The following ERG variants were observed in gnomAD, a reference collection of about 807,000 sequenced individuals.
The protein encoded by ERG is ETS transcription factor ERG, also known as transcriptional regulator ERG.
Under a neutral mutation model 55.3 loss-of-function variants are expected in ERG, and 9 were observed. The observed-to-expected ratio is 0.16, with a 90% CI of 0.10 to 0.28. The LOEUF is 0.28. ERG is among the 10% of genes least tolerant of loss of function. ERG has a pLI of 1.00. For synonymous variants in ERG, 223 were observed against 237.3 expected, an observed-to-expected ratio of 0.94 and a Z score of 0.55; for missense variants, 434 against 631.6, an observed-to-expected ratio of 0.69 and a Z score of 3.35.
intron 1 of ERG, among the ~76,000 whole-genome samples, chr21:38,636,766 AG>A (rs2060391879): frequency 6.6e-6 from 1 of 152,204 alleles, no homozygotes; most frequent in Non-Finnish European, 1.5e-5. Context: ...ACAGCCTGAC[AG>A]GAAAAAGAAC....
chr21:38,644,180 C>T, intron 1 of ERG, among the ~76,000 whole-genome samples: 1 of 152,192 alleles, frequency 6.6e-6, no homozygotes, highest in East Asian at 1.9e-4. Flanking sequence ...AGCAGGGCAG[C>T]CACTGGCTTC....
intron 2 of ERG, among the ~76,000 whole-genome samples, chr21:38,523,429 T>A (rs1433847279): frequency 6.6e-6 from 1 of 152,128 alleles, no homozygotes; most frequent in Non-Finnish European, 1.5e-5. Flanking sequence ...CCAATGAGTA[T>A]TCATCACCAA....
At chr21:38,534,352 CCAAATGAACACCTG>C (rs111755368) in intron 2 of ERG, among the ~76,000 whole-genome samples, 57,521 of 151,528 alleles carry the variant, frequency 0.38, 12,308 homozygotes, top group Non-Finnish European at 0.49. Flanking sequence ...GTTTCTATTG[CCAAATGAACACCTG>C]TTTCAGAGTC....
chr21:38,441,212 G>C (rs1159166344), intron 2 of ERG, among the ~76,000 whole-genome samples: 1 of 152,200 alleles, frequency 6.6e-6, no homozygotes, highest in Non-Finnish European at 1.5e-5. Flanking sequence ...GTCAGGTGTG[G>C]GGGTCAGTTT....
intron 2 of ERG, among the ~76,000 whole-genome samples, chr21:38,548,344 A>G (rs1379271262): frequency 6.6e-6 from 1 of 152,196 alleles, no homozygotes; most frequent in Non-Finnish European, 1.5e-5. Context: ...TAATTAGTTC[A>G]AAATTTAAAA....
rs189394347 is a variant in ERG, at chr21:38,553,957, C to G, written c.-41+21705G>C. On this transcript the variant is annotated intron_variant, in intron 2 of 8. Transcript: ENST00000398897. ...CCAACAAAGGTCTAATATGCAGAAT[C>G]TATAAAAAAAAACTTAAGCAAATTA... Among the ~76,000 whole-genome samples, 454 of 149,020 alleles carry G rather than the reference C, an allele frequency of 3.0e-3. 1 individual carries two copies. The highest frequency in any genetic ancestry group is 0.011 in the African/African-American group (433 of 41,104).
chr21:38,471,155 A>G (rs1351560587), intron 1 of ERG: 1 of 152,230 alleles, frequency 6.6e-6, no homozygotes, highest in African/African-American at 2.4e-5. Flanking sequence ...AAAAATAGAT[A>G]AACAGTTCTG....
At chr21:38,633,042 G>T (rs1250926470) in intron 1 of ERG, among the ~76,000 whole-genome samples, 1 of 152,150 alleles carries the variant, frequency 6.6e-6, no homozygotes, top group Non-Finnish European at 1.5e-5. Flanking sequence ...ATATTATTCA[G>T]CCTTAAAAAG....
At chr21:38,625,575 G>C (rs1359236293) in intron 1 of ERG, among the ~76,000 whole-genome samples, 2 of 152,088 alleles carry the variant, frequency 1.3e-5, no homozygotes, top group Non-Finnish European at 2.9e-5. Context: ...GTGAAGCAGC[G>C]AGCCTTAAAT....
intron 9 of ERG, among the ~76,000 whole-genome samples, chr21:38,387,898 C>G (rs1288833554): frequency 6.6e-6 from 1 of 152,228 alleles, no homozygotes. Context: ...GGTAGACTGA[C>G]TTATTTTGCT....
At chr21:38,482,791 T>C (rs1321394516) in intron 1 of ERG, among the ~76,000 whole-genome samples, 1 of 151,956 alleles carries the variant, frequency 6.6e-6, no homozygotes, top group Non-Finnish European at 1.5e-5. Flanking sequence ...GATTCTCCTG[T>C]CTTAGCCTCC....
chr21:38,587,655 G>A (rs1471678408), upstream of ERG, among the ~76,000 whole-genome samples: 1 of 152,208 alleles, frequency 6.6e-6, no homozygotes, highest in African/African-American at 2.4e-5. Context: ...CCCGGCCAAA[G>A]CTGTGCAAAT....
chr21:38,461,360 T>C (rs1290603084), intron 1 of ERG, among the ~76,000 whole-genome samples: 2 of 152,198 alleles, frequency 1.3e-5, no homozygotes, highest in Non-Finnish European at 2.9e-5. Context: ...TCATTTTAAT[T>C]GGATTACCTC....
chr21:38,500,046 G>A (rs183629305), upstream of ERG, among the ~76,000 whole-genome samples: 23 of 149,236 alleles, frequency 1.5e-4, no homozygotes, highest in East Asian at 2.7e-3. Flanking sequence ...CTGTTTCCCC[G>A]AAAATTTCAA....
In ERG at chr21:38,570,826, G is replaced by A. The variant is rs144647484; in HGVS notation, c.-41+4836C>T. 1.9e-3 allele frequency among the ~76,000 whole-genome samples: 291 copies of A among 152,194 alleles called. 2 individuals carry two copies. Among genetic ancestry groups the A allele is most frequent in the African/African-American group, 6.5e-3 (268 of 41,526 alleles). The stretch of plus-strand genomic sequence containing the variant: ...TCTGGGATTCACAGCTGGCGACCAC[G>A]GAGCAGAACTAATATACAGATGGTT... On this transcript the variant is annotated intron_variant, in intron 2 of 8. Transcript: ENST00000398897.
At chr21:38,553,608 G>T (rs1296811857) in intron 2 of ERG, among the ~76,000 whole-genome samples, 2 of 152,288 alleles carry the variant, frequency 1.3e-5, no homozygotes, top group East Asian at 1.9e-4. Flanking sequence ...AATAAATAGT[G>T]CTTGGATAAC....
chr21:38,404,833 C>T (rs890302953), intron 3 of ERG, among the ~76,000 whole-genome samples: 1 of 152,124 alleles, frequency 6.6e-6, no homozygotes, highest in African/African-American at 2.4e-5. Flanking sequence ...ACTTTCAGAT[C>T]CTTGTTTGTT....
At chr21:38,525,023 C>T (rs929304564) in intron 2 of ERG, among the ~76,000 whole-genome samples, 7 of 152,262 alleles carry the variant, frequency 4.6e-5, no homozygotes, top group African/African-American at 1.7e-4. Context: ...ATCTTAGAAG[C>T]GGGTGCTGCT....
chr21:38,400,520 C>A (rs1457752103), intron 6 of ERG, 54 bp downstream of exon 6: 1 of 1,394,342 alleles, frequency 7.2e-7, no homozygotes, highest in South Asian at 1.2e-5. Context: ...CGGATCTCAG[C>A]AGGACATCTG....
Sources: gnomAD v4.1 joint callset for allele counts (sites outside exome capture counted in the v4.1 genomes callset) on GRCh38, gnomAD v4.1.1 for gene constraint, MANE v1.5 for transcripts, NCBI Gene and HGNC (gene_info 2026-07-23, HGNC 2026-07-21) for gene names.